The following DOCK4 variants were observed in gnomAD, a reference collection of about 807,000 sequenced individuals.
DOCK4 encodes the protein dedicator of cytokinesis protein 4.
In DOCK4, 97 loss-of-function variants were observed where a neutral mutation model predicts 268.1. The observed-to-expected ratio is 0.36, with a 90% CI of 0.31 to 0.43. DOCK4 has a LOEUF of 0.43. DOCK4 is among the 20% of genes least tolerant of loss of function. The pLI is 1.00. For missense variants in DOCK4, 2,145 were observed against 2,455.7 expected (o/e 0.87, Z 2.67); for synonymous variants, 954 against 887.2 (o/e 1.08, Z -1.34).
At chr7:111,902,068 A>T (rs1791194099) in intron 13 of DOCK4, among the ~76,000 whole-genome samples, 1 of 152,182 alleles carries the variant, frequency 6.6e-6, no homozygotes, top group Non-Finnish European at 1.5e-5. Context: ...AGGTATTGTC[A>T]AGTCTCACCA....
intron 1 of DOCK4, among the ~76,000 whole-genome samples, chr7:112,134,275 C>T (rs1338667055): frequency 1.3e-5 from 2 of 152,148 alleles, no homozygotes; most frequent in Non-Finnish European, 2.9e-5. Context: ...CAACAGCTTG[C>T]GAGAGGTAAA....
chr7:112,148,698 C>T (rs1024352518), intron 1 of DOCK4, among the ~76,000 whole-genome samples: 4 of 151,776 alleles, frequency 2.6e-5, no homozygotes, highest in African/African-American at 9.7e-5. Flanking sequence ...TGTTTTTCCT[C>T]CCATCCAAAT....
At chr7:111,963,500 G>A (rs1269525727) in intron 8 of DOCK4, among the ~76,000 whole-genome samples, 4 of 89,204 alleles carry the variant, frequency 4.5e-5, no homozygotes, top group African/African-American at 1.3e-4. Context: ...TTTTCAGACC[G>A]GCTTAAGAAA....
rs544220504 is a variant in DOCK4 at position 112,113,293 on chromosome 7, TA to T, written c.37+92808del. ...AACAACAGAAGAACTAGGACCCTGG[TA>T]AAACAGCTGGGATGAGGAGGAGAGG... On this transcript the variant is annotated intron_variant, in intron 1 of 52. Transcript: ENST00000428084. 1.6e-3 allele frequency among the ~76,000 whole-genome samples: 249 copies of T among 152,202 alleles called. No individual in the cohort carries two copies. In the Middle Eastern group the frequency reaches 0.017, roughly 10 times the overall value.
intron 31 of DOCK4, among the ~76,000 whole-genome samples, chr7:111,790,139 C>T (rs1799431020): frequency 6.6e-6 from 1 of 152,134 alleles, no homozygotes; most frequent in African/African-American, 2.4e-5. Context: ...TAATCATTAA[C>T]TCTCTGATTC....
chr7:111,782,999 A>G (rs1370005293), intron 34 of DOCK4, 75 bp from the exon 35 acceptor site: 4 of 1,259,080 alleles, frequency 3.2e-6, no homozygotes, highest in South Asian at 1.3e-5. Flanking sequence ...TTTTTGGGGG[A>G]AAAAAAGAAA....
intron 8 of DOCK4, among the ~76,000 whole-genome samples, chr7:111,954,009 C>CTTCA: frequency 6.6e-6 from 1 of 152,306 alleles, no homozygotes; most frequent in South Asian, 2.1e-4. Context: ...AATTCAAAGC[C>CTTCA]ACCTCTTTGA....
intron 1 of DOCK4, among the ~76,000 whole-genome samples, chr7:112,066,681 A>ATG (rs1807033075): frequency 4.3e-4 from 7 of 16,336 alleles, no homozygotes; most frequent in African/African-American, 2.2e-3. Context: ...ATATACATAT[A>ATG]TACATATACA....
At chr7:111,797,404 A>G (rs1205554894) in intron 30 of DOCK4, among the ~76,000 whole-genome samples, 2 of 152,240 alleles carry the variant, frequency 1.3e-5, no homozygotes, top group African/African-American at 4.8e-5. Context: ...TAATAGGTAT[A>G]TAGAAGTTTT....
intron 16 of DOCK4, among the ~76,000 whole-genome samples, chr7:111,880,031 A>G (rs1327645002): frequency 1.3e-5 from 2 of 152,226 alleles, no homozygotes; most frequent in Non-Finnish European, 2.9e-5. Context: ...GGATAATAAC[A>G]GAGAAATTCC....
At position 111,769,510 on chromosome 7, in the gene DOCK4, GC is replaced by G; in HGVS notation, c.3828+18del. On this transcript the variant is annotated intron_variant, in intron 37 of 52. Coordinates refer to ENST00000428084, the MANE Select transcript of DOCK4 (RefSeq NM_001363540.2). ...ACCATCACCCCAGGAGGGACCCCGG[GC>G]GGGGCAGGGCCACTTACTTTGCCTC... The G allele has an allele frequency of 6.2e-7, 1 of 1,612,888 alleles. No homozygotes were observed. The highest frequency in any genetic ancestry group is 8.5e-7 in the Non-Finnish European group (1 of 1,179,624).
In DOCK4 at chr7:111,980,439, C is replaced by T. The variant is rs370138708; in HGVS notation, c.550-3156G>A. Among the ~76,000 whole-genome samples, 12 of 152,306 alleles carry T rather than the reference C, an allele frequency of 7.9e-5. No homozygotes were observed. The East Asian group carries it at 2.1e-3, about 27-fold the overall frequency. ...GCACCTATCAGTTACTCTAACTGTGCTTAACAGTTGAACTAGCTCTTTGAT... is the reference window on the plus strand; with the variant it reads ...GCACCTATCAGTTACTCTAACTGTGTTTAACAGTTGAACTAGCTCTTTGAT... On this transcript the variant is annotated intron_variant, in intron 7 of 52. Transcript: ENST00000428084.
chr7:111,987,216 A>G (rs911075765), intron 6 of DOCK4, among the ~76,000 whole-genome samples: 7 of 152,202 alleles, frequency 4.6e-5, no homozygotes, highest in Non-Finnish European at 1.0e-4. Flanking sequence ...AGAACTGCCC[A>G]AAGTACAAGC....
At chr7:111,859,821 C>T (rs1176827946) in intron 23 of DOCK4, among the ~76,000 whole-genome samples, 1 of 152,102 alleles carries the variant, frequency 6.6e-6, no homozygotes, top group Admixed American at 6.5e-5. Context: ...CCCGCCTCGG[C>T]CTCCCAAAGT....
At chr7:112,136,734 T>C (rs532795431) in intron 1 of DOCK4, among the ~76,000 whole-genome samples, 17 of 152,274 alleles carry the variant, frequency 1.1e-4, no homozygotes, top group Admixed American at 1.1e-3. Flanking sequence ...ACAGACCACA[T>C]TTAAATTGGG....
intron 1 of DOCK4, among the ~76,000 whole-genome samples, chr7:112,024,148 C>A (rs1329051106): frequency 6.6e-6 from 1 of 152,142 alleles, no homozygotes; most frequent in Non-Finnish European, 1.5e-5. Context: ...TTTCAATTTT[C>A]ACATAAAATG....
intron 12 of DOCK4, among the ~76,000 whole-genome samples, chr7:111,934,923 T>C (rs1794600417): frequency 6.6e-6 from 1 of 151,990 alleles, no homozygotes. Context: ...CCAAGCATCA[T>C]ATTTGTCATG....
chr7:111,728,988 G>A (rs547357598), intron 52 of DOCK4, among the ~76,000 whole-genome samples: 3 of 152,248 alleles, frequency 2.0e-5, no homozygotes, highest in African/African-American at 4.8e-5. Flanking sequence ...CAGGAAGGGC[G>A]GTCTGCAAGC....
At chr7:112,169,789 G>A (rs1327383250) in intron 1 of DOCK4, among the ~76,000 whole-genome samples, 2 of 152,176 alleles carry the variant, frequency 1.3e-5, no homozygotes, top group African/African-American at 2.4e-5. Flanking sequence ...TGATAAGGGA[G>A]GAGGGCGACA....
Sources: allele counts gnomAD v4.1 joint callset (sites outside exome capture counted in the v4.1 genomes callset), GRCh38; gene constraint gnomAD v4.1.1; transcripts MANE v1.5; gene names NCBI Gene and HGNC (gene_info 2026-07-23, HGNC 2026-07-21).